The following MYO10 variants were observed in gnomAD, a reference collection of about 807,000 sequenced individuals.
The protein encoded by MYO10 is myosin X, also known as unconventional myosin-X.
In MYO10, 133 loss-of-function variants were observed where a neutral mutation model predicts 257.3. That is an observed-to-expected ratio of 0.52 (90% CI 0.45 to 0.60). MYO10 has a LOEUF of 0.60. MYO10 is among the 20% of genes least tolerant of loss of function. The pLI is 0.00. For synonymous variants in MYO10, 1,104 were observed against 1,028.6 expected, an observed-to-expected ratio of 1.07 and a Z score of -1.40; for missense variants, 2,399 against 2,635.7, an observed-to-expected ratio of 0.91 and a Z score of 1.97.
In MYO10 at chr5:16,818,394, G is replaced by GTATATA. The variant is rs1228269109; in HGVS notation, c.121-228_121-227insTATATA. ...TGTGTGTGTGTGCGTGTGTGTGTGT[G>GTATATA]TGTGTGTGTGTGTGTGTATATATAT... On this transcript the variant is annotated intron_variant, in intron 2 of 40. Coordinates refer to ENST00000513610, the MANE Select transcript of MYO10 (RefSeq NM_012334.3). 3.5e-3 allele frequency among the ~76,000 whole-genome samples: 378 copies of GTATATA among 107,770 alleles called. 4 individuals are homozygous for GTATATA. The highest frequency in any genetic ancestry group is 0.012 in the African/African-American group (366 of 29,298). The allele number at this position is 107,770 out of a possible 152,430, so 70.7% of individuals were successfully genotyped here. A position where few individuals can be genotyped will look rare whatever the true frequency, so the allele number is the denominator to read the frequency against.
chr5:16,683,796 G>A, intron 30 of MYO10, 84 bp downstream of exon 30: 1 of 1,366,294 alleles, frequency 7.3e-7, no homozygotes, highest in African/African-American at 1.4e-5. Flanking sequence ...GCCCTGTGAA[G>A]AGGGTCGTGA....
intron 19 of MYO10, chr5:16,741,768 A>G: frequency 2.0e-6 from 2 of 978,050 alleles, no homozygotes; most frequent in Non-Finnish European, 2.4e-6. Context: ...GTTACATGAA[A>G]CTTTTAAGCA....
intron 17 of MYO10, among the ~76,000 whole-genome samples, chr5:16,759,294 C>T (rs1740630172): frequency 6.6e-6 from 1 of 152,172 alleles, no homozygotes; most frequent in Non-Finnish European, 1.5e-5. Flanking sequence ...GGGTTGGTGG[C>T]TTCACTGTCA....
rs1260718042 is a variant in MYO10, at chr5:16,702,531, T to C, written c.2556+12A>G. On this transcript the variant is annotated intron_variant, in intron 24 of 40. Transcript: ENST00000513610. ...GAAACACAAGAGGCTAAGTTGTCAC[T>C]GCACTCATTACCTGCTGGGCGCGGA... The C allele has an allele frequency of 1.3e-6, 2 of 1,588,892 alleles. No individual in the cohort carries two copies. Among genetic ancestry groups the C allele is most frequent in the South Asian group, 1.2e-5 (1 of 86,640 alleles).
At chr5:16,671,665 A>T in intron 37 of MYO10, 123 bp from the exon 38 acceptor site, 1 of 1,225,996 alleles carries the variant, frequency 8.2e-7, no homozygotes, top group Non-Finnish European at 1.1e-6. Context: ...CCCAGAAAAC[A>T]GTGGATAGAG....
intron 2 of MYO10, among the ~76,000 whole-genome samples, chr5:16,830,448 T>C (rs1453103005): frequency 6.6e-6 from 1 of 152,016 alleles, no homozygotes; most frequent in Non-Finnish European, 1.5e-5. Flanking sequence ...GATGTGTAAT[T>C]AGAACGCTTT....
At chr5:16,806,015 T>C (rs1309034847) in intron 3 of MYO10, among the ~76,000 whole-genome samples, 1 of 152,190 alleles carries the variant, frequency 6.6e-6, no homozygotes, top group Non-Finnish European at 1.5e-5. Flanking sequence ...AATATCATGT[T>C]GTGTATCTTA....
At chr5:16,782,459 T>C (rs1741451391) in intron 5 of MYO10, among the ~76,000 whole-genome samples, 1 of 152,148 alleles carries the variant, frequency 6.6e-6, no homozygotes, top group Admixed American at 6.6e-5. Flanking sequence ...AGGAGGAAGA[T>C]GAAGTTTTGG....
At chr5:16,735,554 A>C (rs1396092576) in intron 19 of MYO10, among the ~76,000 whole-genome samples, 1 of 152,010 alleles carries the variant, frequency 6.6e-6, no homozygotes, top group Non-Finnish European at 1.5e-5. Flanking sequence ...AAAATAAACA[A>C]AATTAGCTGG....
At chr5:16,935,460 G>A (rs1046503811) in intron 1 of MYO10, among the ~76,000 whole-genome samples, 2 of 152,104 alleles carry the variant, frequency 1.3e-5, no homozygotes, top group African/African-American at 2.4e-5. Flanking sequence ...GCAGTCGAGC[G>A]GGCGGATCGC....
intron 29 of MYO10, 129 bp from the exon 30 acceptor site, chr5:16,684,064 A>G: frequency 1.2e-6 from 1 of 808,640 alleles, no homozygotes; most frequent in South Asian, 1.6e-5. Context: ...TCAAAATAAT[A>G]GTTATCTATG....
At chr5:16,687,743 G>A (rs1174814175) in intron 28 of MYO10, among the ~76,000 whole-genome samples, 1 of 151,792 alleles carries the variant, frequency 6.6e-6, no homozygotes. Flanking sequence ...ATACAACAAG[G>A]AAAACACTTT....
At chr5:16,826,701 C>A (rs145671486) in intron 2 of MYO10, among the ~76,000 whole-genome samples, 175 of 152,292 alleles carry the variant, frequency 1.1e-3, no homozygotes, top group Middle Eastern at 6.8e-3. Flanking sequence ...CTATTTTAAT[C>A]CCTTTGCACG....
chr5:16,927,028 C>T (rs1411454933), intron 1 of MYO10, among the ~76,000 whole-genome samples: 5 of 152,126 alleles, frequency 3.3e-5, no homozygotes, highest in Non-Finnish European at 7.3e-5. Flanking sequence ...ATGTATTTGT[C>T]CAGGCAGAGT....
chr5:16,872,624 T>C (rs1744486580), intron 2 of MYO10, among the ~76,000 whole-genome samples: 2 of 152,210 alleles, frequency 1.3e-5, no homozygotes, highest in South Asian at 4.1e-4. Context: ...AAGAATGCTA[T>C]ATTAGTCTGT....
chr5:16,913,658 C>A (rs17614456), intron 1 of MYO10, among the ~76,000 whole-genome samples: 1 of 152,088 alleles, frequency 6.6e-6, no homozygotes, highest in African/African-American at 2.4e-5. Flanking sequence ...ACAAAGCAAG[C>A]GTAGGTGTGC....
At chr5:16,729,037 C>G (rs1739479340) in intron 19 of MYO10, among the ~76,000 whole-genome samples, 1 of 152,112 alleles carries the variant, frequency 6.6e-6, no homozygotes, top group Non-Finnish European at 1.5e-5. Flanking sequence ...CTGTATTTTT[C>G]AAATGCACCA....
chr5:16,927,977 G>A (rs911392896), intron 1 of MYO10, among the ~76,000 whole-genome samples: 1 of 152,120 alleles, frequency 6.6e-6, no homozygotes, highest in African/African-American at 2.4e-5. Flanking sequence ...ACTGTTCCAT[G>A]GGTATCGATA....
intron 3 of MYO10, among the ~76,000 whole-genome samples, chr5:16,805,240 A>G (rs1227122748): frequency 6.6e-6 from 1 of 152,076 alleles, no homozygotes; most frequent in African/African-American, 2.4e-5. Flanking sequence ...AGGCCAGCAG[A>G]TTACTTGAAG....
Sources: allele counts gnomAD v4.1 joint callset (sites outside exome capture counted in the v4.1 genomes callset), GRCh38; gene constraint gnomAD v4.1.1; transcripts MANE v1.5; gene names NCBI Gene and HGNC (gene_info 2026-07-23, HGNC 2026-07-21).